INPP5A: variants seen among roughly 807,000 people sequenced by gnomAD.
The protein encoded by INPP5A is inositol polyphosphate-5-phosphatase A.
Under a neutral mutation model 65.2 loss-of-function variants are expected in INPP5A, and 14 were observed. The observed-to-expected ratio is 0.21, with a 90% CI of 0.14 to 0.34. INPP5A has a LOEUF of 0.34. Ranked by LOEUF, INPP5A falls within the 10% of genes least tolerant of loss-of-function variation. INPP5A has a pLI of 1.00. For missense variants in INPP5A, 431 were observed against 545.6 expected (o/e 0.79, Z 2.09); for synonymous variants, 207 against 208.3 (o/e 0.99, Z 0.05).
chr10:132,708,451 T>C (rs766861479), intron 7 of INPP5A, 86 bp downstream of exon 7: 4 of 1,310,198 alleles, frequency 3.1e-6, no homozygotes, highest in Non-Finnish European at 4.4e-6. Flanking sequence ...ACACACCTCA[T>C]TGGAGGCTCT....
chr10:132,596,189 C>T (rs12770777), intron 1 of INPP5A, among the ~76,000 whole-genome samples: 24,238 of 152,158 alleles, frequency 0.16, 2,325 homozygotes, highest in Admixed American at 0.26. Context: ...GGTTCAGTCT[C>T]TCTAGTTTGT....
chr10:132,745,829 G>C (rs149496323), intron 9 of INPP5A, among the ~76,000 whole-genome samples: 2,682 of 150,268 alleles, frequency 0.018, 39 homozygotes, highest in South Asian at 0.039. Context: ...TGGGTATGGT[G>C]GGCCTGGGCA....
At position 132,546,082 on chromosome 10, in the gene INPP5A, C is replaced by T. The variant is rs1184022561; in HGVS notation, c.75+7911C>T. ...GATGAGTGGCCGAGGCGTCTGGGGA[C>T]GTCCTGGAGCCTGCAGCCCTTGGCC... On this transcript the variant is annotated intron_variant, in intron 1 of 15. Transcript: ENST00000368594. The surrounding 1 kb of genome is among the most constrained non-coding windows in gnomAD (Gnocchi z 5.7). Among the ~76,000 whole-genome samples the T allele has an allele frequency of 6.6e-6, 1 of 152,186 alleles. No homozygotes were observed. The highest frequency in any genetic ancestry group is 6.5e-5 in the Admixed American group (1 of 15,280).
intron 1 of INPP5A, among the ~76,000 whole-genome samples, chr10:132,541,677 C>T (rs1239839102): frequency 6.6e-6 from 1 of 152,228 alleles, no homozygotes; most frequent in Non-Finnish European, 1.5e-5. Flanking sequence ...ACAGGCACCC[C>T]CTCAGGTGTT....
intron 13 of INPP5A, among the ~76,000 whole-genome samples, chr10:132,780,191 C>A (rs796604233): frequency 2.6e-5 from 4 of 152,234 alleles, no homozygotes; most frequent in Non-Finnish European, 4.4e-5. Flanking sequence ...GATGCTCCAG[C>A]TGTGGATATA....
At chr10:132,618,654 A>T (rs2072072995) in intron 2 of INPP5A, among the ~76,000 whole-genome samples, 1 of 152,110 alleles carries the variant, frequency 6.6e-6, no homozygotes, top group African/African-American at 2.4e-5. Context: ...AAGAGGTTTA[A>T]TTCGCTCACG....
At chr10:132,695,307 G>GA (rs567049656) in intron 5 of INPP5A, among the ~76,000 whole-genome samples, 14 of 151,778 alleles carry the variant, frequency 9.2e-5, no homozygotes, top group East Asian at 1.9e-4. Flanking sequence ...TTCATTGTTT[G>GA]AAAAAAAACT....
At position 132,603,747 on chromosome 10, in the gene INPP5A, A is replaced by C. The variant is rs547538261; in HGVS notation, c.76-4168A>C. 6.6e-6 allele frequency among the ~76,000 whole-genome samples: 1 copy of C among 152,250 alleles called. No individual in the cohort carries two copies. Among genetic ancestry groups the C allele is most frequent in the African/African-American group, 2.4e-5 (1 of 41,548 alleles). On this transcript the variant is annotated intron_variant, in intron 1 of 15. Coordinates refer to ENST00000368594, the MANE Select transcript of INPP5A (RefSeq NM_005539.5). The surrounding 1 kb of genome is among the most constrained non-coding windows in gnomAD (Gnocchi z 4.2). ...ACTTGCTGATTTAATAGATTCTATT[A>C]CTTGTGTTTTGTTAGTTTGTAACAG...
At chr10:132,709,637 G>A (rs376770231) in intron 7 of INPP5A, among the ~76,000 whole-genome samples, 173 of 152,294 alleles carry the variant, frequency 1.1e-3, no homozygotes, top group African/African-American at 3.8e-3. Context: ...CCGCCTGCAC[G>A]CACTCATTCC....
In INPP5A at chr10:132,644,747, G is replaced by A. The variant is rs2072471198; in HGVS notation, c.118-1121G>A. Among the ~76,000 whole-genome samples, 2 of 152,262 alleles carry A rather than the reference G, an allele frequency of 1.3e-5. No individual in the cohort carries two copies. The highest frequency in any genetic ancestry group is 4.1e-4 in the South Asian group (2 of 4,834). ...CCCTGTCGGGGCTTGCTCCTTGGAA[G>A]CGCTGCGCATCCTGTGTTCCAGGGG... On this transcript the variant is annotated intron_variant, in intron 2 of 15. Transcript: ENST00000368594. This position sits in a 1 kb window ranked among gnomAD's most constrained non-coding sequence, Gnocchi z 6.5.
intron 2 of INPP5A, among the ~76,000 whole-genome samples, chr10:132,636,652 A>G (rs1423036160): frequency 1.3e-5 from 2 of 152,114 alleles, no homozygotes; most frequent in Non-Finnish European, 2.9e-5. Flanking sequence ...TCCCATGTCC[A>G]TTTGGTTATT....
At chr10:132,571,713 A>G (rs189639443) in intron 1 of INPP5A, among the ~76,000 whole-genome samples, 164 of 152,298 alleles carry the variant, frequency 1.1e-3, no homozygotes, top group African/African-American at 3.7e-3. Flanking sequence ...TGCGTGCTGT[A>G]AGGACCTCGA....
chr10:132,620,957 T>C (rs1174890662), intron 2 of INPP5A, among the ~76,000 whole-genome samples: 1 of 152,252 alleles, frequency 6.6e-6, no homozygotes, highest in Non-Finnish European at 1.5e-5. Flanking sequence ...GATGCAAGCC[T>C]GGTTTAACAT....
At chr10:132,723,362 G>A (rs1353021361) in intron 8 of INPP5A, among the ~76,000 whole-genome samples, 1 of 152,240 alleles carries the variant, frequency 6.6e-6, no homozygotes, top group Non-Finnish European at 1.5e-5. Context: ...AGTTTGTTCC[G>A]TCAGGGTTCT....
At chr10:132,781,290 C>T (rs1187488513) in intron 14 of INPP5A, among the ~76,000 whole-genome samples, 1 of 152,212 alleles carries the variant, frequency 6.6e-6, no homozygotes, top group African/African-American at 2.4e-5. Context: ...GGGGCAGGCT[C>T]ACTGTCAGCC....
At chr10:132,553,845 T>C (rs1321458072) in intron 1 of INPP5A, among the ~76,000 whole-genome samples, 1 of 139,620 alleles carries the variant, frequency 7.2e-6, no homozygotes, top group African/African-American at 2.8e-5. Context: ...GGAGGATTGG[T>C]GAATGCCTTC....
chr10:132,690,471 G>A lies in INPP5A; in HGVS notation c.370+16G>A. On this transcript the variant is annotated intron_variant, in intron 5 of 15. Coordinates refer to ENST00000368594, the MANE Select transcript of INPP5A (RefSeq NM_005539.5). The stretch of plus-strand genomic sequence containing the variant: ...GACTTTAAAGGTAAGACTGCGTGCC[G>A]TCTTCCGGGATTTTGTCTCGGCACT... 6 of 1,597,658 alleles carry A rather than the reference G, an allele frequency of 3.8e-6. No homozygotes were observed. Among genetic ancestry groups the A allele is most frequent in the Non-Finnish European group, 4.3e-6 (5 of 1,166,264 alleles).
At chr10:132,728,476 C>T (rs1356314499) in intron 9 of INPP5A, among the ~76,000 whole-genome samples, 1 of 152,204 alleles carries the variant, frequency 6.6e-6, no homozygotes, top group Non-Finnish European at 1.5e-5. Flanking sequence ...AGAGGCGGGG[C>T]CCTGTCATAG....
At chr10:132,542,585 G>A (rs2070920640) in intron 1 of INPP5A, among the ~76,000 whole-genome samples, 1 of 152,194 alleles carries the variant, frequency 6.6e-6, no homozygotes, top group Admixed American at 6.5e-5. Context: ...CCTCGAGTGG[G>A]GTGGGGGGGT....
Sources: allele counts gnomAD v4.1 joint callset (sites outside exome capture counted in the v4.1 genomes callset), GRCh38; gene constraint gnomAD v4.1.1; non-coding constraint Gnocchi (gnomAD v3.1); transcripts MANE v1.5; gene names NCBI Gene and HGNC (gene_info 2026-07-23, HGNC 2026-07-21).